Variants in C3orf49 observed in about 807,000 individuals in gnomAD.
C3orf49 encodes chromosome 3 open reading frame 49, also known as putative uncharacterized protein C3orf49.
Under a neutral mutation model 13.3 loss-of-function variants are expected in C3orf49, and 27 were observed. The observed-to-expected ratio is 2.02, with a 90% CI of 1.49 to 2.79. The LOEUF is 2.79. C3orf49 is among the 30% of genes most tolerant of loss of function. C3orf49 has a pLI of 0.00. For missense variants in C3orf49, 242 were observed against 134.2 expected (o/e 1.80, Z -3.97); for synonymous variants, 87 against 47.6 (o/e 1.83, Z -3.40).
In C3orf49 at chr3:63,834,794, A is replaced by G. The variant is rs139397474; in HGVS notation, c.849+2950A>G. Reference sequence around the variant, plus strand: ...TCTCCAGTTCCCCAAAGCACCCACTACTCAGTGGGTATGCAAATGTTCGTA... The same window carrying G: ...TCTCCAGTTCCCCAAAGCACCCACTGCTCAGTGGGTATGCAAATGTTCGTA... On this transcript the variant is annotated intron_variant, in intron 5 of 6. Coordinates refer to ENST00000295896, the MANE Select transcript of C3orf49 (RefSeq NM_001355236.2). 5.4e-3 allele frequency among the ~76,000 whole-genome samples: 829 copies of G among 152,246 alleles called. 22 individuals are homozygous for G. The highest frequency in any genetic ancestry group is 0.048 in the Admixed American group (726 of 15,282).
At chr3:63,822,037 G>A (rs574770530) in intron 1 of C3orf49, among the ~76,000 whole-genome samples, 96 of 151,856 alleles carry the variant, frequency 6.3e-4, no homozygotes, top group African/African-American at 2.1e-3. Context: ...TTGCAGTGGC[G>A]CGATCTCGGC....
intron 5 of C3orf49, chr3:63,834,220 TA>T (rs772339761): frequency 1.2e-6 from 2 of 1,612,996 alleles, no homozygotes; most frequent in Non-Finnish European, 8.5e-7. Flanking sequence ...GAAGGAAACA[TA>T]AAACCTTAGT....
At chr3:63,779,742 C>G in the C3orf49 span, 1 of 152,160 alleles carries the variant, frequency 6.6e-6, no homozygotes, top group Non-Finnish European at 1.5e-5. Flanking sequence ...GAAACTCAGT[C>G]TGTGGAGGAA....
intron 5 of C3orf49, chr3:63,838,153 G>A (rs1450632563): frequency 3.3e-6 from 4 of 1,220,534 alleles, no homozygotes; most frequent in Admixed American, 2.4e-5. Flanking sequence ...ACCTCTATTG[G>A]TAACAAAATA....
the C3orf49 span, among the ~76,000 whole-genome samples, chr3:63,812,018 G>A: frequency 2.5e-3 from 386 of 151,598 alleles, 2 homozygotes; most frequent in African/African-American, 9.0e-3. Flanking sequence ...GAGTGGTAGC[G>A]ACTGCGGTAA....
At chr3:63,783,134 C>G in the C3orf49 span, 1 of 152,258 alleles carries the variant, frequency 6.6e-6, no homozygotes, top group East Asian at 1.9e-4. Flanking sequence ...AGATTTAGCA[C>G]TGTAAGTCTC....
At chr3:63,838,236 T>C in intron 5 of C3orf49, 1 of 907,772 alleles carries the variant, frequency 1.1e-6, no homozygotes, top group Non-Finnish European at 1.6e-6. Flanking sequence ...TTTTTATAGC[T>C]AACATTTACT....
At chr3:63,838,282 C>T in intron 5 of C3orf49, 1 of 1,041,580 alleles carries the variant, frequency 9.6e-7, no homozygotes, top group Non-Finnish European at 1.4e-6. Context: ...TGTTATTATT[C>T]TTTTACCACC....
At chr3:63,816,625 C>T (rs766919522), upstream of C3orf49, among the ~76,000 whole-genome samples, 15 of 151,526 alleles carry the variant, frequency 9.9e-5, no homozygotes, top group Admixed American at 2.6e-4. Context: ...ACCTCAACAA[C>T]TCCCCATTGC....
At chr3:63,809,963 CAT>C in the C3orf49 span, among the ~76,000 whole-genome samples, 1 of 151,996 alleles carries the variant, frequency 6.6e-6, no homozygotes, top group Non-Finnish European at 1.5e-5. Context: ...GCCTGGCTAA[CAT>C]AGTGAAATCT....
the C3orf49 span, among the ~76,000 whole-genome samples, chr3:63,813,648 C>A: frequency 6.6e-6 from 1 of 152,340 alleles, no homozygotes; most frequent in Admixed American, 6.5e-5. Context: ...GGGGAGTTCA[C>A]CCCTTGGTAA....
upstream of C3orf49, among the ~76,000 whole-genome samples, chr3:63,817,296 ATAAC>A (rs1701335467): frequency 6.6e-6 from 1 of 152,060 alleles, no homozygotes; most frequent in Admixed American, 6.5e-5. Flanking sequence ...TACTTTTTTC[ATAAC>A]ATTTACTACC....
chr3:63,831,654 C>T (rs1484851829), intron 4 of C3orf49, 26 bp from the exon 5 acceptor site: 1 of 696,596 alleles, frequency 1.4e-6, no homozygotes, highest in African/African-American at 1.8e-5. Context: ...CACATGGCTT[C>T]ATTTCTTTGT....
chr3:63,836,867 T>C (rs1340895740), intron 5 of C3orf49, among the ~76,000 whole-genome samples: 1 of 151,970 alleles, frequency 6.6e-6, no homozygotes, highest in African/African-American at 2.4e-5. Context: ...ACCTCCAAGA[T>C]AAGTCATGTA....
the C3orf49 span, among the ~76,000 whole-genome samples, chr3:63,809,586 C>T: frequency 4.6e-5 from 7 of 152,178 alleles, no homozygotes; most frequent in Non-Finnish European, 8.8e-5. Context: ...CAAACTCCCA[C>T]AACTGCCTCC....
At chr3:63,788,514 A>G in the C3orf49 span, among the ~76,000 whole-genome samples, 2 of 152,184 alleles carry the variant, frequency 1.3e-5, no homozygotes, top group Non-Finnish European at 2.9e-5. Flanking sequence ...AGGAAGGATA[A>G]GGAAAGAAAG....
At chr3:63,803,070 C>A in the C3orf49 span, among the ~76,000 whole-genome samples, 1 of 152,144 alleles carries the variant, frequency 6.6e-6, no homozygotes, top group Non-Finnish European at 1.5e-5. Context: ...CAAGGTTTGG[C>A]AAGGATATTC....
the C3orf49 span, among the ~76,000 whole-genome samples, chr3:63,787,646 A>G: frequency 6.6e-6 from 1 of 152,194 alleles, no homozygotes; most frequent in Admixed American, 6.5e-5. Flanking sequence ...CGGGAAAGCC[A>G]CCGAAATGAA....
the C3orf49 span, among the ~76,000 whole-genome samples, chr3:63,789,450 A>G: frequency 6.6e-6 from 1 of 152,182 alleles, no homozygotes; most frequent in Non-Finnish European, 1.5e-5. Context: ...CATTAGTGTA[A>G]CTTTGAATCT....
Sources: allele counts gnomAD v4.1 joint callset (sites outside exome capture counted in the v4.1 genomes callset), GRCh38; gene constraint gnomAD v4.1.1; transcripts MANE v1.5; gene names NCBI Gene and HGNC (gene_info 2026-07-23, HGNC 2026-07-21).